ARHGEF7: variants seen among roughly 807,000 people sequenced by gnomAD.
ARHGEF7 encodes the protein Rho guanine nucleotide exchange factor 7, also known as PAK-interacting exchange factor beta.
ARHGEF7 carries 33 observed loss-of-function variants against 109.8 expected under a neutral mutation model. That is an observed-to-expected ratio of 0.30 (90% CI 0.23 to 0.40). The LOEUF is 0.40. Ranked by LOEUF, ARHGEF7 falls within the 10% of genes least tolerant of loss-of-function variation. ARHGEF7 has a pLI of 1.00. For missense variants in ARHGEF7, 938 were observed against 1,098.5 expected (o/e 0.85, Z 2.07); for synonymous variants, 458 against 424.6 (o/e 1.08, Z -0.97).
At chr13:111,178,638 C>G (rs534359923) in intron 2 of ARHGEF7, among the ~76,000 whole-genome samples, 1 of 152,208 alleles carries the variant, frequency 6.6e-6, no homozygotes, top group East Asian at 1.9e-4. Flanking sequence ...CGCTGTCCAG[C>G]TGGGCATGGT....
At chr13:111,274,308 C>T (rs745982304) in intron 10 of ARHGEF7, among the ~76,000 whole-genome samples, 8 of 152,192 alleles carry the variant, frequency 5.3e-5, no homozygotes, top group Non-Finnish European at 1.0e-4. Context: ...TGATTGTGCT[C>T]TTTTAATTTT....
chr13:111,258,336 GGA>G lies in ARHGEF7; in HGVS notation c.951-9207_951-9206del, dbSNP rs1443365890. On this transcript the variant is annotated intron_variant, in intron 8 of 21. Coordinates refer to ENST00000646102, the MANE Select transcript of ARHGEF7 (RefSeq NM_001354046.2). This position sits in a 1 kb window ranked among gnomAD's most constrained non-coding sequence, Gnocchi z 4.4. ...ACAGGCAGTGCAGCCTGCACCTCCA[GGA>G]GAGACTCCTTCCTTCTGCTAGAGAA... Among the ~76,000 whole-genome samples, 1 of 152,242 alleles carries G rather than the reference GGA, an allele frequency of 6.6e-6. No homozygotes were observed. The highest frequency in any genetic ancestry group is 1.5e-5 in the Non-Finnish European group (1 of 68,032).
At chr13:111,300,079 A>G (rs1482260012) in intron 19 of ARHGEF7, among the ~76,000 whole-genome samples, 2 of 152,116 alleles carry the variant, frequency 1.3e-5, no homozygotes, top group Non-Finnish European at 2.9e-5. Flanking sequence ...TTGATTTCCT[A>G]ATTTCTAAAG....
intron 1 of ARHGEF7, among the ~76,000 whole-genome samples, chr13:111,150,446 T>C (rs1320202886): frequency 6.6e-6 from 1 of 152,230 alleles, no homozygotes; most frequent in Non-Finnish European, 1.5e-5. Context: ...TTCCTCCACA[T>C]CTTCTTCCTT....
chr13:111,278,410 A>T (rs544917243), intron 13 of ARHGEF7, among the ~76,000 whole-genome samples: 118 of 152,232 alleles, frequency 7.8e-4, no homozygotes, highest in Middle Eastern at 3.4e-3. Context: ...AGAAGCCGCC[A>T]CTTCGTGTTC....
At chr13:111,268,372 G>A (rs1313873592) in intron 9 of ARHGEF7, among the ~76,000 whole-genome samples, 1 of 152,052 alleles carries the variant, frequency 6.6e-6, no homozygotes, top group African/African-American at 2.4e-5. Flanking sequence ...TTAATACAAA[G>A]ATTTGTATTA....
At position 111,153,922 on chromosome 13, in the gene ARHGEF7, G is replaced by C. The variant is rs929074574; in HGVS notation, c.183G>C (p.Arg61=). The change falls in exon 2 of 22, where the codon CGG becomes CGC. Residue 61 remains arginine (R), a synonymous_variant. Coordinates refer to ENST00000646102, the MANE Select transcript of ARHGEF7 (RefSeq NM_001354046.2). Reference sequence around the variant, plus strand: ...TATTGCAGGTCTACCCCGAGCCCCGGAGCGAGAGCGAGTGCCTGAGCAACA... The same window carrying C: ...TATTGCAGGTCTACCCCGAGCCCCGCAGCGAGAGCGAGTGCCTGAGCAACA... ...GTIEKVYPEP[R]SESECLSNIR... 2 of 1,605,378 alleles carry C rather than the reference G, an allele frequency of 1.2e-6. No homozygotes were observed. The highest frequency in any genetic ancestry group is 2.3e-5 in the East Asian group (1 of 43,582).
chr13:111,280,730 G>A, intron 15 of ARHGEF7, 53 bp downstream of exon 15: 1 of 1,435,424 alleles, frequency 7.0e-7, no homozygotes, highest in Admixed American at 2.7e-5. Flanking sequence ...GCATCCCGTG[G>A]CTGAGCTGTC....
intron 1 of ARHGEF7, among the ~76,000 whole-genome samples, chr13:111,150,070 A>G (rs2075817755): frequency 6.6e-6 from 1 of 152,180 alleles, no homozygotes; most frequent in Non-Finnish European, 1.5e-5. Context: ...TGGCAGAGCT[A>G]CCTTAGGAGT....
At chr13:111,302,320 C>T (rs942016766) in intron 21 of ARHGEF7, among the ~76,000 whole-genome samples, 1 of 152,126 alleles carries the variant, frequency 6.6e-6, no homozygotes, top group African/African-American at 2.4e-5. Flanking sequence ...GGTCCTCTGC[C>T]CAGCTAGGTG....
intron 2 of ARHGEF7, among the ~76,000 whole-genome samples, chr13:111,199,066 C>T (rs558044692): frequency 4.4e-4 from 67 of 152,320 alleles, no homozygotes; most frequent in Non-Finnish European, 3.7e-4. Context: ...CAGAAAAGTT[C>T]TGCAGGTCCC....
rs558459302 is a variant in ARHGEF7 at position 111,124,569 on chromosome 13, C to T, written c.165+8878C>T. ...CAAGGATGGCAAGAGGGGTGGCCAG[C>T]TGTGATGGGGCTGGGGCCCCTAGGC... On this transcript the variant is annotated intron_variant, in intron 1 of 21. Coordinates refer to ENST00000646102, the MANE Select transcript of ARHGEF7 (RefSeq NM_001354046.2). Among the ~76,000 whole-genome samples, 285 of 152,320 alleles carry T rather than the reference C, an allele frequency of 1.9e-3. 16 individuals are homozygous for T. In the South Asian group the frequency reaches 0.055, roughly 29 times the overall value.
In ARHGEF7 at chr13:111,175,475, C is replaced by T. The variant is rs141690470; in HGVS notation, c.252+21484C>T. On this transcript the variant is annotated intron_variant, in intron 2 of 21. Coordinates refer to ENST00000646102, the MANE Select transcript of ARHGEF7 (RefSeq NM_001354046.2). The stretch of plus-strand genomic sequence containing the variant: ...GCCATGTGAGTGTGGGGAAGGGCAC[C>T]CAGGCAGAAGAGTGCCTGGGCAAAG... 8.5e-4 allele frequency among the ~76,000 whole-genome samples: 130 copies of T among 152,190 alleles called. 1 individual carries two copies. The East Asian group carries it at 0.021, about 24-fold the overall frequency.
At chr13:111,176,557 G>A (rs1441632142) in intron 2 of ARHGEF7, among the ~76,000 whole-genome samples, 1 of 152,154 alleles carries the variant, frequency 6.6e-6, no homozygotes, top group Non-Finnish European at 1.5e-5. Context: ...GCCCCTGCCT[G>A]CCACCTGTCA....
chr13:111,123,172 TGTTA>T (rs2067308538), intron 1 of ARHGEF7, among the ~76,000 whole-genome samples: 1 of 152,222 alleles, frequency 6.6e-6, no homozygotes, highest in African/African-American at 2.4e-5. Flanking sequence ...AAGTGGCCAG[TGTTA>T]GTTCCTAGCC....
At chr13:111,293,481 T>C (rs1191776317) in intron 19 of ARHGEF7, 1 of 984,472 alleles carries the variant, frequency 1.0e-6, no homozygotes, top group Non-Finnish European at 1.2e-6. Context: ...GGATTTGTTG[T>C]AAGGAGTTTT....
At chr13:111,243,044 T>G (rs903125513) in intron 6 of ARHGEF7, among the ~76,000 whole-genome samples, 6 of 152,228 alleles carry the variant, frequency 3.9e-5, no homozygotes, top group Non-Finnish European at 8.8e-5. Flanking sequence ...ACATTTTAAT[T>G]TTAAGGTTAA....
intron 2 of ARHGEF7, among the ~76,000 whole-genome samples, chr13:111,190,014 G>T (rs914806969): frequency 8.5e-5 from 13 of 152,180 alleles, no homozygotes; most frequent in African/African-American, 2.9e-4. Flanking sequence ...ACTTCCTGCT[G>T]GATAGGGATG....
intron 2 of ARHGEF7, among the ~76,000 whole-genome samples, chr13:111,194,003 G>A (rs1219894757): frequency 6.6e-6 from 1 of 152,178 alleles, no homozygotes; most frequent in African/African-American, 2.4e-5. Flanking sequence ...TTGGCACCTA[G>A]TATGCCATTT....
Sources: gnomAD v4.1 joint callset for allele counts (sites outside exome capture counted in the v4.1 genomes callset) on GRCh38, gnomAD v4.1.1 for gene constraint, Gnocchi (gnomAD v3.1) non-coding constraint, MANE v1.5 for transcripts, NCBI Gene and HGNC (gene_info 2026-07-23, HGNC 2026-07-21) for gene names.